The following WDR62 variants were observed in gnomAD, a reference collection of about 807,000 sequenced individuals.
WDR62 encodes the protein WD repeat-containing protein 62.
WDR62 carries 112 observed loss-of-function variants against 160.6 expected under a neutral mutation model. The observed-to-expected ratio is 0.70, with a 90% confidence interval of 0.60 to 0.82. The LOEUF (loss-of-function observed/expected upper bound fraction) is 0.82. WDR62 is among the 40% of genes least tolerant of loss of function. The pLI, the probability that WDR62 is intolerant of heterozygous loss-of-function variation, is 0.00. For synonymous variants in WDR62, 792 were observed against 815.1 expected, an observed-to-expected ratio of 0.97 and a Z score of 0.48; for missense variants, 1,819 against 1,983.8, an observed-to-expected ratio of 0.92 and a Z score of 1.58.
chr19:36,060,336 A>C lies in WDR62; in HGVS notation c.332+306A>C. ...TGTCTTCGGGCAGGTTTGTGGGCAG[A>C]GAATAGGAGGAAAGCCTTATCAGAA... is the stretch of plus-strand genomic sequence containing the variant. On this transcript the variant is annotated intron_variant, in intron 3 of 31. Transcript: ENST00000401500. The C allele has an allele frequency of 1.6e-5, 7 of 428,208 alleles. No homozygotes were observed. The South Asian group carries it at 1.8e-4, about 11-fold the overall frequency. 26.5% of individuals were successfully genotyped at this position (428,208 alleles called of 1,614,324 possible).
At chr19:36,086,905 A>G in intron 13 of WDR62, 93 bp downstream of exon 13, 2 of 1,489,878 alleles carry the variant, frequency 1.3e-6, no homozygotes, top group African/African-American at 1.4e-5. Context: ...TATATATCCA[A>G]ACAAGTGAAT....
chr19:36,087,298 A>T (rs1972298867), intron 13 of WDR62, among the ~76,000 whole-genome samples: 1 of 151,940 alleles, frequency 6.6e-6, no homozygotes, highest in South Asian at 2.1e-4. Flanking sequence ...TGAGGTCAGG[A>T]GTTCGAGACC....
At position 36,089,086 on chromosome 19, in the gene WDR62, A is replaced by C; in HGVS notation, c.1817A>C (p.Tyr606Ser). 6.2e-7 allele frequency: 1 copy of C among 1,614,102 alleles called. No individual in the cohort carries two copies. The highest frequency in any genetic ancestry group is 8.5e-7 in the Non-Finnish European group (1 of 1,180,020). The change falls in exon 14 of 32, where the codon TAC (tyrosine) becomes TCC (serine). Residue 606 changes from tyrosine (Y) to serine (S), a missense_variant. Around this residue, in one of 3 missense-constraint regions of WDR62, gnomAD observed 934 missense variants for 1,157.2 expected, o/e 0.81. Transcript: ENST00000401500. ...MISCGADKSI[Y>S]FRSAQQGSDG... ...AGCTGTGGGGCTGACAAGAGCATCT[A>C]CTTTCGCAGTGCCCAGCAGGTAGGG...
Position 36,073,543 on chromosome 19 carries a change from C to A in WDR62, c.1233+12C>A, listed in dbSNP as rs756083731. 10 of 1,400,722 alleles carry A rather than the reference C, an allele frequency of 7.1e-6. No homozygotes were observed. The highest frequency in any genetic ancestry group is 2.5e-5 in the East Asian group (1 of 40,164). The allele number at this position is 1,400,722 out of a possible 1,614,324, so 86.8% of individuals were successfully genotyped here. A position where few individuals can be genotyped will look rare whatever the true frequency, so the allele number is the denominator to read the frequency against. On this transcript the variant is annotated intron_variant, in intron 9 of 31. Transcript: ENST00000401500. ...TTTGGAACGTGGAGGTGAGCCCCCC[C>A]CCCACCCCCTTGCCCCTGCTTGGCC...
chr19:36,103,184 C>T lies in WDR62; in HGVS notation c.3491C>T (p.Thr1164Ile), dbSNP rs373953529. 3.1e-6 allele frequency: 5 copies of T among 1,613,848 alleles called. No homozygotes were observed. Among genetic ancestry groups the T allele is most frequent in the Non-Finnish European group, 4.2e-6 (5 of 1,180,014 alleles). The change falls in exon 29 of 32, where the codon ACC becomes ATC. Residue 1164 changes from threonine to isoleucine, a missense_variant. Physicochemically the swap from Thr to Ile is moderately conservative, Grantham distance 89. Transcript: ENST00000401500. The stretch of plus-strand genomic sequence containing the variant: ...CTCGCTGCAGGGAAGGCTGAAGAGA[C>T]CCTGGAGGCCTGGCGCCCACCACGT... ...HVLAAGKAEETLEAWRPPPPC... is the reference protein window; with the variant it reads ...HVLAAGKAEEILEAWRPPPPC...
chr19:36,066,058 G>A (rs376075150), intron 4 of WDR62, 43 bp downstream of exon 4: 14 of 1,608,478 alleles, frequency 8.7e-6, no homozygotes, highest in East Asian at 4.5e-5. Flanking sequence ...GGGCTGGGGG[G>A]TCTTGGAAGC....
rs910736680 is a variant in WDR62, at chr19:36,083,102, C to T, written c.1411C>T (p.His471Tyr). The T allele has an allele frequency of 7.4e-6, 12 of 1,613,454 alleles. No homozygotes were observed. The highest frequency in any genetic ancestry group is 1.0e-5 in the Non-Finnish European group (12 of 1,179,784). The change falls in exon 11 of 32, where the codon CAC (histidine) becomes TAC (tyrosine). Residue 471 changes from histidine to tyrosine, a missense_variant. Coordinates refer to ENST00000401500, the MANE Select transcript of WDR62 (RefSeq NM_001083961.2). ...CGTGTACGTGGAGAATGACATCCAG[C>T]ACCTGCAGGACATGTCACACTTCCC... ...KVVYVENDIQ[H>Y]LQDMSHFPDR...
chr19:36,093,730 C>T (rs1400941445), intron 19 of WDR62, among the ~76,000 whole-genome samples: 2 of 152,248 alleles, frequency 1.3e-5, no homozygotes, highest in Non-Finnish European at 2.9e-5. Context: ...ATCATTGCTA[C>T]CACCTACAGG....
chr19:36,104,191 ACAG>A (rs1169370201), intron 30 of WDR62, among the ~76,000 whole-genome samples: 1 of 152,262 alleles, frequency 6.6e-6, no homozygotes, highest in African/African-American at 2.4e-5. Context: ...CAGAGAACTG[ACAG>A]CTTCAATGGG....
At chr19:36,080,115 A>ATT (rs57551653) in intron 9 of WDR62, among the ~76,000 whole-genome samples, 9 of 148,862 alleles carry the variant, frequency 6.0e-5, no homozygotes, top group South Asian at 2.1e-4. Context: ...TTTTTTTATT[A>ATT]TTTTTTTTTT....
chr19:36,106,456 C>A (rs1973715078), downstream of WDR62, among the ~76,000 whole-genome samples: 1 of 152,042 alleles, frequency 6.6e-6, no homozygotes, highest in African/African-American at 2.4e-5. Flanking sequence ...CCCTCATGGC[C>A]ACTCACCTTC....
At chr19:36,060,403 C>T (rs1014175839) in intron 3 of WDR62, 5 of 267,856 alleles carry the variant, frequency 1.9e-5, no homozygotes, top group South Asian at 9.7e-5. Flanking sequence ...CTGAAGGAAG[C>T]GAGAGGGTGA....
rs757591561 is a variant in WDR62 at position 36,089,022 on chromosome 19, C to A, written c.1769-16C>A. On this transcript the variant is annotated splice_polypyrimidine_tract_variant and intron_variant, in intron 13 of 31. Transcript: ENST00000401500. ...TGGCCCAGCCCTGCCTAACACACAG[C>A]GTCCTCCTCCCCTAGGCAACAGAGA... is the stretch of plus-strand genomic sequence containing the variant. 6.2e-7 allele frequency: 1 copy of A among 1,613,394 alleles called. No homozygotes were observed. The highest frequency in any genetic ancestry group is 2.2e-5 in the East Asian group (1 of 44,892).
rs565352513 is a variant in WDR62 at position 36,093,240 on chromosome 19, G to A, written c.2333+429G>A. 1.5e-4 allele frequency among the ~76,000 whole-genome samples: 23 copies of A among 152,258 alleles called. No individual in the cohort carries two copies. The East Asian group carries it at 4.1e-3, about 27-fold the overall frequency. ...TGTGGGAACAGAGCAGTCCCTGACC[G>A]GCCAGCCAAGGGGAGGGGTGGGTAG... On this transcript the variant is annotated intron_variant, in intron 19 of 31. Coordinates refer to ENST00000401500, the MANE Select transcript of WDR62 (RefSeq NM_001083961.2).
intron 3 of WDR62, among the ~76,000 whole-genome samples, chr19:36,063,323 C>T (rs1228779767): frequency 6.6e-6 from 1 of 152,068 alleles, no homozygotes; most frequent in Non-Finnish European, 1.5e-5. Flanking sequence ...GATCTTGGCT[C>T]GCTGCAGCCT....
At chr19:36,058,681 G>A in intron 1 of WDR62, 99 bp from the exon 2 acceptor site, 2 of 850,900 alleles carry the variant, frequency 2.4e-6, no homozygotes, top group Middle Eastern at 3.3e-4. Flanking sequence ...GCTCAGTGTG[G>A]GTGTTGAATG....
chr19:36,073,579 TC>T, intron 9 of WDR62, 48 bp downstream of exon 9: 1 of 1,435,148 alleles, frequency 7.0e-7, no homozygotes, highest in Non-Finnish European at 9.5e-7. Context: ...TCTGCACAGT[TC>T]CCCACAGTTT....
downstream of WDR62, among the ~76,000 whole-genome samples, chr19:36,109,384 T>C (rs1015489032): frequency 6.6e-6 from 1 of 152,190 alleles, no homozygotes; most frequent in Admixed American, 6.5e-5. Context: ...GTCACTGGTG[T>C]GCCTCCTTCA....
At position 36,101,727 on chromosome 19, in the gene WDR62, C is replaced by T. The variant is rs1006271908; in HGVS notation, c.3035C>T (p.Pro1012Leu). ...GCAGCCATCCACTCCCCAGCTCCGCCTCCTGACCCTGCCCCTCGGTTTGCC... is the reference window on the plus strand; with the variant it reads ...GCAGCCATCCACTCCCCAGCTCCGCTTCCTGACCCTGCCCCTCGGTTTGCC... ...SFAAIHSPAP[P>L]PDPAPRFATS... The change falls in exon 25 of 32, where the codon CCT becomes CTT. Residue 1012 changes from proline (P) to leucine (L), a missense_variant. This residue lies in a region of WDR62 where 770 missense variants were observed against 734.2 expected (regional missense o/e 1.05). Transcript: ENST00000401500. 256 of 1,551,750 alleles carry T rather than the reference C, an allele frequency of 1.6e-4. No individual in the cohort carries two copies. Among genetic ancestry groups the T allele is most frequent in the Non-Finnish European group, 2.1e-4 (240 of 1,147,148 alleles).
Sources: gnomAD v4.1 joint callset for allele counts (sites outside exome capture counted in the v4.1 genomes callset) on GRCh38, gnomAD v4.1.1 for gene constraint, gnomAD v4.1.1 regional missense constraint, MANE v1.5 for transcripts, NCBI Gene and HGNC (gene_info 2026-07-23, HGNC 2026-07-21) for gene names.